DMAC2L: variants seen among roughly 807,000 people sequenced by gnomAD.
DMAC2L encodes ATP synthase subunit s, mitochondrial.
Under a neutral mutation model 22.5 loss-of-function variants are expected in DMAC2L, and 21 were observed. The ratio of observed to expected loss-of-function variants is 0.93; its 90% CI spans 0.66 to 1.34. The LOEUF (loss-of-function observed/expected upper bound fraction) is 1.34, where lower values mean the gene tolerates loss of function less well. DMAC2L is among the 40% of genes most tolerant of loss of function. The probability of loss-of-function intolerance (pLI) is 0.00; values close to 1 mark genes in which losing one functional copy is unlikely to be tolerated. For missense variants in DMAC2L, 239 were observed against 246.5 expected, an observed-to-expected ratio of 0.97 and a Z score of 0.20; for synonymous variants, 86 against 89.5, an observed-to-expected ratio of 0.96 and a Z score of 0.22.
intron 2 of DMAC2L, among the ~76,000 whole-genome samples, chr14:50,318,022 A>C (rs750023572): frequency 6.6e-6 from 1 of 152,064 alleles, no homozygotes; most frequent in African/African-American, 2.4e-5. Context: ...TTTTGTTTTT[A>C]ATTGTGTTTA....
intron 4 of DMAC2L, 177 bp downstream of exon 4, chr14:50,322,896 C>A: frequency 6.9e-7 from 1 of 1,445,726 alleles, no homozygotes; most frequent in Non-Finnish European, 9.1e-7. Context: ...GTTACAGACA[C>A]CTTCCTCTCC....
chr14:50,313,466 AT>A (rs1273563820), intron 1 of DMAC2L, among the ~76,000 whole-genome samples: 2 of 152,208 alleles, frequency 1.3e-5, no homozygotes, highest in Admixed American at 6.5e-5. Flanking sequence ...GACATTTATT[AT>A]GGTTAAAGGG....
intron 2 of DMAC2L, 40 bp from the exon 3 acceptor site, chr14:50,321,443 C>G (rs368799566): frequency 1.1e-5 from 18 of 1,609,962 alleles, no homozygotes; most frequent in Middle Eastern, 3.3e-4. Context: ...GTATGGGACT[C>G]GGATGATGAT....
chr14:50,318,957 T>C (rs1209042997), intron 2 of DMAC2L: 1 of 921,122 alleles, frequency 1.1e-6, no homozygotes, highest in Non-Finnish European at 1.3e-6. Flanking sequence ...TTTTGTTTGT[T>C]TTGTCTTACC....
intron 5 of DMAC2L, 134 bp downstream of exon 5, chr14:50,324,250 C>T (rs892199673): frequency 1.1e-6 from 1 of 923,726 alleles, no homozygotes; most frequent in South Asian, 2.0e-5. Context: ...TCACTTTCAT[C>T]TGTAATATTT....
upstream of DMAC2L, chr14:50,311,869 G>A (rs1299101824): frequency 8.8e-6 from 10 of 1,134,136 alleles, no homozygotes; most frequent in Non-Finnish European, 1.2e-5. Context: ...GTAGCTCCTG[G>A]GATCCGAGGT....
At chr14:50,312,131 T>C, upstream of DMAC2L, 1 of 1,610,340 alleles carries the variant, frequency 6.2e-7, no homozygotes, top group Non-Finnish European at 8.5e-7. Flanking sequence ...ACCAACCAAA[T>C]AACGCAGCGC....
Position 50,327,607 on chromosome 14 carries a change from G to A in DMAC2L, c.*1884G>A, listed in dbSNP as rs1351615008. ...AGCGTCCCAGGTAGCTGGGATTACA[G>A]GCGCCCACCACCACGCCCAGCTAAT... On this transcript the variant is annotated 3_prime_UTR_variant, in exon 6 of 6. Transcript: ENST00000557421. The A allele has an allele frequency of 6.6e-6, 1 of 152,012 alleles. No homozygotes were observed. Among genetic ancestry groups the A allele is most frequent in the Non-Finnish European group, 1.5e-5 (1 of 68,166 alleles). 9.4% of individuals were successfully genotyped at this position (152,012 alleles called of 1,614,324 possible).
rs568165600 is a variant in DMAC2L, at chr14:50,317,959, A to G, written c.-6+3333A>G. ...TGCGGAGGATTTTAATCACAAAGGG[A>G]TGCTGGATTTTGTCAAATGCTTTTT... is the stretch of plus-strand genomic sequence containing the variant. On this transcript the variant is annotated intron_variant, in intron 2 of 5. Coordinates refer to ENST00000557421, the MANE Select transcript of DMAC2L (RefSeq NM_001382507.1). Among the ~76,000 whole-genome samples the G allele has an allele frequency of 7.9e-5, 12 of 152,230 alleles. No individual in the cohort carries two copies. In the East Asian group the frequency reaches 2.3e-3, roughly 29 times the overall value.
At chr14:50,317,053 C>G (rs182978254) in intron 2 of DMAC2L, among the ~76,000 whole-genome samples, 8 of 152,258 alleles carry the variant, frequency 5.3e-5, no homozygotes, top group Admixed American at 3.9e-4. Context: ...TTGACTCTAT[C>G]CATCCATGAG....
upstream of DMAC2L, chr14:50,312,259 G>A: frequency 2.7e-6 from 4 of 1,493,474 alleles, no homozygotes; most frequent in Non-Finnish European, 2.7e-6. Flanking sequence ...CCAATGAAGT[G>A]GCGCGCCTTC....
Position 50,326,530 on chromosome 14 carries a change from A to G in DMAC2L, c.*807A>G. The G allele has an allele frequency of 2.0e-6, 2 of 985,436 alleles. No individual in the cohort carries two copies. Among genetic ancestry groups the G allele is most frequent in the Non-Finnish European group, 2.4e-6 (2 of 829,932 alleles). 61.0% of individuals were successfully genotyped at this position (985,436 alleles called of 1,614,324 possible). A position where few individuals can be genotyped will look rare whatever the true frequency, so the allele number is the denominator to read the frequency against. ...CATTGCTTCAACAGGATTTGCGTGC[A>G]TTTCCCATGATCCTGCATTCTTGTG... On this transcript the variant is annotated 3_prime_UTR_variant, in exon 6 of 6. Transcript: ENST00000557421.
At chr14:50,315,760 G>C (rs1376628135) in intron 2 of DMAC2L, among the ~76,000 whole-genome samples, 2 of 149,202 alleles carry the variant, frequency 1.3e-5, no homozygotes, top group Non-Finnish European at 3.0e-5. Context: ...TGGCTAACTA[G>C]TATTCCATCA....
At position 50,312,359 on chromosome 14, in the gene DMAC2L, G is replaced by GCTCGCTCCCTCC. The variant is rs1555334432; in HGVS notation, c.-68_-57dup. On this transcript the variant is annotated 5_prime_UTR_variant, in exon 1 of 6. Coordinates refer to ENST00000557421, the MANE Select transcript of DMAC2L (RefSeq NM_001382507.1). Reference sequence around the variant, plus strand: ...GGGTGCCGCAGACGCGGGGACGCTGGCTCGCTCCCTCCCTCCCTCCCTCCG... The same window carrying GCTCGCTCCCTCC: ...GGGTGCCGCAGACGCGGGGACGCTGGCTCGCTCCCTCCCTCGCTCCCTCCCTCCCTCCCTCCG... 1 of 652,112 alleles carries GCTCGCTCCCTCC rather than the reference G, an allele frequency of 1.5e-6. No homozygotes were observed. The highest frequency in any genetic ancestry group is 2.8e-5 in the East Asian group (1 of 36,026). The allele number at this position is 652,112 out of a possible 1,614,324, so 40.4% of individuals were successfully genotyped here.
chr14:50,317,664 G>C (rs570735784), intron 2 of DMAC2L, among the ~76,000 whole-genome samples: 1 of 152,180 alleles, frequency 6.6e-6, no homozygotes, highest in South Asian at 2.1e-4. Flanking sequence ...CAGCTACTTG[G>C]AAGGCTGAGG....
chr14:50,322,673 C>G lies in DMAC2L; in HGVS notation c.270C>G (p.Ile90Met). 1 of 1,614,072 alleles carries G rather than the reference C, an allele frequency of 6.2e-7. No individual in the cohort carries two copies. Among genetic ancestry groups the G allele is most frequent in the Non-Finnish European group, 8.5e-7 (1 of 1,180,002 alleles). The change falls in exon 4 of 6, where the codon ATC (isoleucine) becomes ATG (methionine). Residue 90 changes from isoleucine (I) to methionine (M), a missense_variant. Physicochemically the swap from Ile to Met is conservative, Grantham distance 10. Transcript: ENST00000557421. ...GPLDKYKIQA[I>M]DATDSCIMSI... is the part of the protein sequence containing the mutation. ...TGGACAAATACAAGATTCAGGCGATCGACGCCACCGACTCTTGTATCATGA... is the reference window on the plus strand; with the variant it reads ...TGGACAAATACAAGATTCAGGCGATGGACGCCACCGACTCTTGTATCATGA...
chr14:50,323,293 G>T (rs1367610970), intron 4 of DMAC2L, among the ~76,000 whole-genome samples: 2 of 151,018 alleles, frequency 1.3e-5, no homozygotes, highest in African/African-American at 2.4e-5. Flanking sequence ...GTTTCACCGT[G>T]TTAGCCAGGA....
chr14:50,311,983 G>A (rs377669258), upstream of DMAC2L: 110 of 1,548,082 alleles, frequency 7.1e-5, no homozygotes, highest in African/African-American at 1.4e-3. Flanking sequence ...AGCAGCGCAG[G>A]CGGCGGGGAG....
chr14:50,314,141 T>A (rs1215873099), intron 1 of DMAC2L, among the ~76,000 whole-genome samples: 1 of 152,208 alleles, frequency 6.6e-6, no homozygotes, highest in South Asian at 2.1e-4. Context: ...CCAAATCTCA[T>A]CTTGAATTGT....
Sources: gnomAD v4.1 joint callset for allele counts (sites outside exome capture counted in the v4.1 genomes callset) on GRCh38, gnomAD v4.1.1 for gene constraint, MANE v1.5 for transcripts, NCBI Gene and HGNC (gene_info 2026-07-23, HGNC 2026-07-21) for gene names.